The following TRIM22 variants were observed in gnomAD, a reference collection of about 807,000 sequenced individuals.
The protein encoded by TRIM22 is tripartite motif containing 22.
In TRIM22, 45 loss-of-function variants were observed where a neutral mutation model predicts 53.6. The observed-to-expected ratio is 0.84, with a 90% CI of 0.66 to 1.08. The LOEUF is 1.08. TRIM22 is among the 50% of genes least tolerant of loss of function. TRIM22 has a pLI of 0.00. For synonymous variants in TRIM22, 225 were observed against 216.6 expected (o/e 1.04, Z -0.34); for missense variants, 616 against 590.9 (o/e 1.04, Z -0.44).
intron 4 of TRIM22, among the ~76,000 whole-genome samples, chr11:5,701,301 G>T (rs1206187875): frequency 1.3e-5 from 2 of 152,078 alleles, no homozygotes; most frequent in South Asian, 4.1e-4. Flanking sequence ...TCCAACTTTT[G>T]GTAGAATTCA....
chr11:5,706,554 G>C (rs766841835), intron 4 of TRIM22, 40 bp from the exon 5 acceptor site: 65 of 1,603,096 alleles, frequency 4.1e-5, no homozygotes, highest in Non-Finnish European at 5.4e-5. Flanking sequence ...TCTAAATCTG[G>C]CAACCCTATC....
chr11:5,704,933 G>C (rs949463022), intron 4 of TRIM22, among the ~76,000 whole-genome samples: 3 of 152,162 alleles, frequency 2.0e-5, no homozygotes, highest in South Asian at 4.1e-4. Context: ...AAACAGTTTG[G>C]TAATAAGGCT....
At chr11:5,692,156 C>T (rs1853183695) in intron 1 of TRIM22, among the ~76,000 whole-genome samples, 1 of 152,006 alleles carries the variant, frequency 6.6e-6, no homozygotes, top group African/African-American at 2.4e-5. Flanking sequence ...TTTAATGTAG[C>T]AAAAAGGTAG....
rs78484876 is a variant in TRIM22, at chr11:5,698,419, T to C, written c.624T>C (p.Gly208=). 6.7e-3 allele frequency: 10,770 copies of C among 1,614,120 alleles called. 211 individuals carry two copies. Among genetic ancestry groups the C allele is most frequent in the African/African-American group, 0.063 (4,696 of 75,026 alleles). The change falls in exon 4 of 8, where the codon GGT becomes GGC. Residue 208 remains glycine, a synonymous_variant. Coordinates refer to ENST00000379965, the MANE Select transcript of TRIM22 (RefSeq NM_006074.5). ...GAGAGCTGCAAAAGCTGGAGGAAGG[T>C]GAGGTGAATGTGCTGGATAACCTGG... is the stretch of plus-strand genomic sequence containing the variant. ...EQRELQKLEE[G]EVNVLDNLAA...
In TRIM22 at chr11:5,696,554, TG is replaced by T. The variant is rs1180329798; in HGVS notation, c.323del (p.Cys108LeufsTer26). ...CCATGGAAAAAAACTCCAGATCTTCTGTAAGGAGGATGGAAAAGTCATTTGC... is the reference window on the plus strand; with the variant it reads ...CCATGGAAAAAAACTCCAGATCTTCTTAAGGAGGATGGAAAAGTCATTTGC... ...EHHGKKLQIF[C>X]KEDGKVICWV... On this transcript the variant is annotated frameshift_variant, in exon 2 of 8. Coordinates refer to ENST00000379965, the MANE Select transcript of TRIM22 (RefSeq NM_006074.5). LOFTEE classifies it high-confidence loss of function. The T allele has an allele frequency of 3.7e-6, 6 of 1,614,086 alleles. No individual in the cohort carries two copies. The highest frequency in any genetic ancestry group is 1.7e-5 in the Admixed American group (1 of 60,004).
At chr11:5,708,350 T>A in intron 6 of TRIM22, 77 bp downstream of exon 6, 1 of 1,388,364 alleles carries the variant, frequency 7.2e-7, no homozygotes. Context: ...GAGGTTTTTT[T>A]AGGTTAGGAT....
intron 3 of TRIM22, 132 bp downstream of exon 3, chr11:5,697,475 A>C (rs1853285985): frequency 4.9e-6 from 3 of 612,738 alleles, no homozygotes; most frequent in Admixed American, 3.2e-5. Context: ...ATTAGGTCTC[A>C]ATTTAACTCC....
intron 4 of TRIM22, 78 bp downstream of exon 4, chr11:5,698,623 TCTAGG>T: frequency 4.3e-6 from 5 of 1,166,128 alleles, no homozygotes; most frequent in Non-Finnish European, 6.1e-6. Context: ...CTTCCCAGTC[TCTAGG>T]CTTTCTTCTG....
chr11:5,693,042 A>G (rs1398905514), intron 1 of TRIM22, among the ~76,000 whole-genome samples: 1 of 151,466 alleles, frequency 6.6e-6, no homozygotes. Context: ...CACCTGGCTA[A>G]TGTTTGTATA....
At chr11:5,704,287 C>T (rs1369405780) in intron 4 of TRIM22, among the ~76,000 whole-genome samples, 17 of 151,886 alleles carry the variant, frequency 1.1e-4, no homozygotes, top group Admixed American at 1.1e-3. Context: ...ATAAAACTTC[C>T]AATACAATGT....
chr11:5,708,716 CTTTTTTT>C, intron 7 of TRIM22, 113 bp downstream of exon 7: 1 of 606,748 alleles, frequency 1.6e-6, no homozygotes, highest in Non-Finnish European at 2.5e-6. Flanking sequence ...CCATGTAGTT[CTTTTTTT>C]TTTTTTTTTT....
intron 1 of TRIM22, chr11:5,690,886 G>C (rs959240455): frequency 6.6e-6 from 1 of 152,286 alleles, no homozygotes; most frequent in African/African-American, 2.4e-5. Flanking sequence ...AGGCGAAGGA[G>C]TCTTAGGTAC....
At position 5,708,275 on chromosome 11, in the gene TRIM22, T is replaced by C. The variant is rs1853495547; in HGVS notation, c.874+2T>C. On this transcript the variant is annotated splice_donor_variant, in intron 6 of 7. Coordinates refer to ENST00000379965, the MANE Select transcript of TRIM22 (RefSeq NM_006074.5). LOFTEE classifies it high-confidence loss of function. ...GTGGGATGCTGCAAGTTCTTAAAGGTAAGGGGATTCAGGGGAAGGCTGTGA... is the reference window on the plus strand; with the variant it reads ...GTGGGATGCTGCAAGTTCTTAAAGGCAAGGGGATTCAGGGGAAGGCTGTGA... 6.2e-7 allele frequency: 1 copy of C among 1,611,314 alleles called. No individual in the cohort carries two copies. Among genetic ancestry groups the C allele is most frequent in the African/African-American group, 1.3e-5 (1 of 74,972 alleles).
At position 5,706,618 on chromosome 11, in the gene TRIM22, T is replaced by G; in HGVS notation, c.773+2T>G. The G allele has an allele frequency of 1.9e-6, 3 of 1,611,658 alleles. No homozygotes were observed. In the South Asian group the frequency reaches 3.3e-5, roughly 18 times the overall value. On this transcript the variant is annotated splice_donor_variant, in intron 5 of 7. Coordinates refer to ENST00000379965, the MANE Select transcript of TRIM22 (RefSeq NM_006074.5). LOFTEE classifies it high-confidence loss of function. The stretch of plus-strand genomic sequence containing the variant: ...GGATGTGATTGACGTCATGAAAAGG[T>G]ATATGTGGAAGAGAGATGTGGTCTT...
chr11:5,692,370 GA>G (rs1853186328), intron 1 of TRIM22, among the ~76,000 whole-genome samples: 1 of 152,224 alleles, frequency 6.6e-6, no homozygotes, highest in Non-Finnish European at 1.5e-5. Context: ...AACTGTGAGA[GA>G]AAGAGATGAC....
At chr11:5,695,724 A>T (rs1853247961) in intron 1 of TRIM22, among the ~76,000 whole-genome samples, 1 of 152,218 alleles carries the variant, frequency 6.6e-6, no homozygotes, top group South Asian at 2.1e-4. Context: ...GCTTAAAAAT[A>T]TGCAAATATT....
chr11:5,709,036 G>C lies in TRIM22; in HGVS notation c.902-17G>C. 1 of 1,595,030 alleles carries C rather than the reference G, an allele frequency of 6.3e-7. No homozygotes were observed. Among genetic ancestry groups the C allele is most frequent in the Non-Finnish European group, 8.6e-7 (1 of 1,164,228 alleles). On this transcript the variant is annotated splice_polypyrimidine_tract_variant and intron_variant, in intron 7 of 7. Transcript: ENST00000379965. ...CTATCCCATATCCTTCACTTGACTT[G>C]GTAATTTTTTCTACAGTGGACGTGA...
At position 5,696,465 on chromosome 11, in the gene TRIM22, T is replaced by G; in HGVS notation, c.233T>G (p.Val78Gly). The G allele has an allele frequency of 6.2e-7, 1 of 1,614,184 alleles. No individual in the cohort carries two copies. The highest frequency in any genetic ancestry group is 1.6e-4 in the Middle Eastern group (1 of 6,062). The change falls in exon 2 of 8, where the codon GTT becomes GGT. Residue 78 changes from valine (V) to glycine (G), a missense_variant. Val to Gly is a moderately radical substitution (Grantham distance 109). Transcript: ENST00000379965. ...CCTAATCGGCATCTGGCCAACATAGTTGAGAGAGTCAAAGAGGTCAAGATG... is the reference window on the plus strand; with the variant it reads ...CCTAATCGGCATCTGGCCAACATAGGTGAGAGAGTCAAAGAGGTCAAGATG... ...LRPNRHLANI[V>G]ERVKEVKMSP...
intron 1 of TRIM22, among the ~76,000 whole-genome samples, chr11:5,695,883 A>G (rs955678723): frequency 3.9e-5 from 6 of 152,326 alleles, no homozygotes; most frequent in Middle Eastern, 3.4e-3. Context: ...ATGATGGGTT[A>G]CACGAAGCTC....
Sources: allele counts gnomAD v4.1 joint callset (sites outside exome capture counted in the v4.1 genomes callset), GRCh38; gene constraint gnomAD v4.1.1; transcripts MANE v1.5; gene names NCBI Gene and HGNC (gene_info 2026-07-23, HGNC 2026-07-21).